Variants in SETD2 observed in about 807,000 individuals in gnomAD.
SETD2 encodes histone-lysine N-methyltransferase SETD2.
SETD2 carries 31 observed loss-of-function variants against 242.1 expected under a neutral mutation model. That is an observed-to-expected ratio of 0.13 (90% CI 0.10 to 0.17). The LOEUF (loss-of-function observed/expected upper bound fraction) is 0.17, where lower values mean the gene tolerates loss of function less well. Ranked by LOEUF, SETD2 falls within the 10% of genes least tolerant of loss-of-function variation. The pLI is 1.00. For missense variants in SETD2, 2,481 were observed against 3,046.3 expected (o/e 0.81, Z 4.37); for synonymous variants, 1,006 against 1,066.5 (o/e 0.94, Z 1.11).
At chr3:47,099,316 T>C (rs1339075116) in intron 8 of SETD2, among the ~76,000 whole-genome samples, 3 of 152,204 alleles carry the variant, frequency 2.0e-5, no homozygotes, top group South Asian at 2.1e-4. Flanking sequence ...CTAATTGATA[T>C]AGGTATAATC....
intron 5 of SETD2, among the ~76,000 whole-genome samples, chr3:47,106,891 G>A (rs2042450186): frequency 6.6e-6 from 1 of 151,870 alleles, no homozygotes; most frequent in South Asian, 2.1e-4. Context: ...ACTCTCAAAG[G>A]TCTCTAAAAA....
At chr3:47,130,597 A>G (rs564062911) in intron 1 of SETD2, among the ~76,000 whole-genome samples, 73 of 152,346 alleles carry the variant, frequency 4.8e-4, no homozygotes, top group Non-Finnish European at 6.6e-4. Context: ...AGAGCAAAGA[A>G]GAGAGTTTTT....
intron 15 of SETD2, among the ~76,000 whole-genome samples, chr3:47,048,860 G>T (rs2039660106): frequency 6.6e-6 from 1 of 151,894 alleles, no homozygotes; most frequent in Admixed American, 6.6e-5. Context: ...CAGAGACGGG[G>T]TTTCACCATG....
chr3:47,105,011 C>T (rs189556544), intron 6 of SETD2, among the ~76,000 whole-genome samples: 36 of 152,246 alleles, frequency 2.4e-4, no homozygotes, highest in African/African-American at 7.9e-4. Context: ...ATGATTCTCC[C>T]ACTTGGCCCT....
intron 18 of SETD2, among the ~76,000 whole-genome samples, chr3:47,034,347 A>T (rs1322504673): frequency 6.6e-6 from 1 of 152,178 alleles, no homozygotes; most frequent in South Asian, 2.1e-4. Flanking sequence ...TTTCGTTTTT[A>T]TACATGTACC....
At chr3:47,079,435 T>C (rs1392718852) in intron 12 of SETD2, among the ~76,000 whole-genome samples, 1 of 152,104 alleles carries the variant, frequency 6.6e-6, no homozygotes, top group East Asian at 1.9e-4. Flanking sequence ...TCAAGACTTT[T>C]TTAAAAAAAC....
rs1425320029 is a variant in SETD2, at chr3:47,122,921, G to T, written c.1715C>A (p.Ser572Tyr). 6.2e-7 allele frequency: 1 copy of T among 1,610,462 alleles called. No homozygotes were observed. The highest frequency in any genetic ancestry group is 1.1e-5 in the South Asian group (1 of 90,512). Reference protein sequence around the residue: ...PIPKSDKFKNSFCCTELNEEI... With the variant: ...PIPKSDKFKNYFCCTELNEEI... Reference sequence around the variant, plus strand: ...TTCATTTAATTCTGTACAACAGAAAGAATTTTTAAATTTATCAGACTTGGG... The same window carrying T: ...TTCATTTAATTCTGTACAACAGAAATAATTTTTAAATTTATCAGACTTGGG... Residue 572 changes from serine to tyrosine, a missense_variant, in exon 3 of 21, where the codon TCT becomes TAT. Around this residue, in one of 17 missense-constraint regions of SETD2, gnomAD observed 1,300 missense variants for 1,259.2 expected, o/e 1.03. Transcript: ENST00000409792.
At chr3:47,085,770 C>A (rs1343532376) in intron 11 of SETD2, among the ~76,000 whole-genome samples, 1 of 152,154 alleles carries the variant, frequency 6.6e-6, no homozygotes, top group Non-Finnish European at 1.5e-5. Flanking sequence ...TTTTAAAACA[C>A]TTATTTAAAA....
At position 47,016,768 on chromosome 3, in the gene SETD2, G is replaced by A. The variant is rs2037999800; in HGVS notation, c.*325C>T. The A allele has an allele frequency of 3.2e-6, 1 of 313,704 alleles. No individual in the cohort carries two copies. The highest frequency in any genetic ancestry group is 4.5e-5 in the Admixed American group (1 of 22,392). 19.4% of individuals were successfully genotyped at this position (313,704 alleles called of 1,614,324 possible). ...ATCAGGGTAAAGGGTTGTGGGTGGGGATGCGCATGGGTCTGTGCGCTGACA... is the reference window on the plus strand; with the variant it reads ...ATCAGGGTAAAGGGTTGTGGGTGGGAATGCGCATGGGTCTGTGCGCTGACA... On this transcript the variant is annotated 3_prime_UTR_variant, in exon 21 of 21. Coordinates refer to ENST00000409792, the MANE Select transcript of SETD2 (RefSeq NM_014159.7).
chr3:47,116,879 T>C (rs928110697), intron 3 of SETD2, 125 bp from the exon 4 acceptor site: 48 of 656,476 alleles, frequency 7.3e-5, no homozygotes, highest in Non-Finnish European at 1.0e-4. Context: ...GGTCTTGTTC[T>C]GTCACCCAGG....
chr3:47,064,915 A>T (rs2040495425), intron 13 of SETD2, among the ~76,000 whole-genome samples: 1 of 151,980 alleles, frequency 6.6e-6, no homozygotes, highest in Non-Finnish European at 1.5e-5. Context: ...GGTCGGCAGA[A>T]AAGAGGCTAC....
chr3:47,063,975 T>TC (rs1171874542), intron 13 of SETD2, among the ~76,000 whole-genome samples: 3 of 98,202 alleles, frequency 3.1e-5, no homozygotes, highest in African/African-American at 1.4e-4. Flanking sequence ...AGAGCTAGAC[T>TC]CCATCTCGGG....
chr3:47,046,411 A>C, intron 16 of SETD2, 76 bp downstream of exon 16: 1 of 1,353,648 alleles, frequency 7.4e-7, no homozygotes, highest in Non-Finnish European at 9.8e-7. Context: ...ACCCAAAACA[A>C]ATCCAAACCA....
intron 1 of SETD2, among the ~76,000 whole-genome samples, chr3:47,147,885 G>A (rs7615323): frequency 0.56 from 78,516 of 139,578 alleles, 21,953 homozygotes; most frequent in Non-Finnish European, 0.58. Context: ...ACCACTGCAC[G>A]CCAGCCTGGG....
In SETD2 at chr3:47,121,555, G is replaced by T. The variant is rs745989865; in HGVS notation, c.3081C>A (p.Ala1027=). The T allele has an allele frequency of 2.5e-6, 4 of 1,613,974 alleles. No homozygotes were observed. Among genetic ancestry groups the T allele is most frequent in the Non-Finnish European group, 3.4e-6 (4 of 1,179,958 alleles). The change falls in exon 3 of 21, where the codon GCC becomes GCA. Residue 1027 remains alanine (A), a synonymous_variant. Transcript: ENST00000409792. ...YALKCDSSGH[A]PEIVSTVHED... ...CATGAACTGTAGACACAATTTCTGG[G>T]GCATGACCACTACTGTCACACTTTA...
chr3:47,034,579 C>T (rs538935279), intron 18 of SETD2, among the ~76,000 whole-genome samples: 88 of 152,178 alleles, frequency 5.8e-4, no homozygotes, highest in Admixed American at 1.2e-3. Context: ...GAAAGGATTA[C>T]TTGAGCCTGA....
At chr3:47,055,674 C>T (rs1404667674) in intron 15 of SETD2, among the ~76,000 whole-genome samples, 2 of 150,310 alleles carry the variant, frequency 1.3e-5, no homozygotes, top group African/African-American at 4.9e-5. Flanking sequence ...GCCCGGGTGG[C>T]AGAGCAAGAC....
At chr3:47,072,092 A>C (rs1262925506) in intron 12 of SETD2, among the ~76,000 whole-genome samples, 2 of 151,634 alleles carry the variant, frequency 1.3e-5, no homozygotes, top group Non-Finnish European at 2.9e-5. Context: ...GCAGATCACG[A>C]GGTCAGAAGA....
chr3:47,026,409 ATC>A (rs914291882), intron 18 of SETD2, among the ~76,000 whole-genome samples: 10 of 152,224 alleles, frequency 6.6e-5, no homozygotes, highest in Non-Finnish European at 1.3e-4. Flanking sequence ...TTCCTCAAGG[ATC>A]TAGAACCAGA....
Sources: gnomAD v4.1 joint callset for allele counts (sites outside exome capture counted in the v4.1 genomes callset) on GRCh38, gnomAD v4.1.1 for gene constraint, gnomAD v4.1.1 regional missense constraint, MANE v1.5 for transcripts, NCBI Gene and HGNC (gene_info 2026-07-23, HGNC 2026-07-21) for gene names.